The following EPB41L4A variants were observed in gnomAD, a reference collection of about 807,000 sequenced individuals.
EPB41L4A encodes erythrocyte membrane protein band 4.1 like 4A.
A neutral mutation model predicts 108.6 loss-of-function variants in EPB41L4A; 100 were observed. The ratio of observed to expected loss-of-function variants is 0.92; its 90% CI spans 0.78 to 1.09. The LOEUF (loss-of-function observed/expected upper bound fraction) is 1.09, where lower values mean the gene tolerates loss of function less well. Ranked by LOEUF, EPB41L4A falls within the 50% of genes least tolerant of loss-of-function variation. EPB41L4A has a pLI of 0.00. For missense variants in EPB41L4A, 1,030 were observed against 842.7 expected (o/e 1.22, Z -2.75); for synonymous variants, 319 against 289.0 (o/e 1.10, Z -1.05).
At chr5:112,197,681 T>G (rs1231435915) in intron 15 of EPB41L4A, among the ~76,000 whole-genome samples, 1 of 152,154 alleles carries the variant, frequency 6.6e-6, no homozygotes, top group Non-Finnish European at 1.5e-5. Context: ...CAAGTTCCAT[T>G]TATCCCTCCT....
At chr5:112,243,973 A>G (rs1750012765) in intron 9 of EPB41L4A, among the ~76,000 whole-genome samples, 12 of 152,070 alleles carry the variant, frequency 7.9e-5, no homozygotes, top group Admixed American at 7.9e-4. Flanking sequence ...TCCTTCAAGA[A>G]TTTTTTCTTT....
rs576282262 is a variant in EPB41L4A at position 112,305,339 on chromosome 5, TA to T, written c.204+2046del. 1.1e-4 allele frequency among the ~76,000 whole-genome samples: 17 copies of T among 152,272 alleles called. No individual in the cohort carries two copies. The South Asian group carries it at 3.5e-3, about 32-fold the overall frequency. On this transcript the variant is annotated intron_variant, in intron 2 of 22. Transcript: ENST00000261486. ...TGGAGAATGATGAGTTCCGGGGTTC[TA>T]GGTTCTCCTGGTCCTCCAGTGCAGA... is the stretch of plus-strand genomic sequence containing the variant.
chr5:112,218,930 T>G (rs1024130616), intron 12 of EPB41L4A, among the ~76,000 whole-genome samples: 2 of 152,184 alleles, frequency 1.3e-5, no homozygotes, highest in Non-Finnish European at 1.5e-5. Flanking sequence ...AAATATGACA[T>G]TAAAAACTAG....
chr5:112,296,661 A>G (rs547311230), intron 2 of EPB41L4A, among the ~76,000 whole-genome samples: 4 of 152,248 alleles, frequency 2.6e-5, no homozygotes, highest in South Asian at 2.1e-4. Flanking sequence ...AGTTACATGA[A>G]TAAGTTCTTT....
At chr5:112,288,037 C>T (rs1046491868) in intron 2 of EPB41L4A, among the ~76,000 whole-genome samples, 1 of 152,142 alleles carries the variant, frequency 6.6e-6, no homozygotes, top group East Asian at 1.9e-4. Context: ...AACAATGCTG[C>T]AATTAAGAAA....
rs1002106248 is a variant in EPB41L4A at position 112,404,698 on chromosome 5, T to C, written c.99+14243A>G. 9.9e-5 allele frequency among the ~76,000 whole-genome samples: 15 copies of C among 152,198 alleles called. No individual in the cohort carries two copies. In the South Asian group the frequency reaches 1.9e-3, roughly 19 times the overall value. On this transcript the variant is annotated intron_variant, in intron 1 of 22. Transcript: ENST00000261486. ...ATGAAAAGTATTTTCATCAAGCTGATTATTTCTCAAAGCATAACTCTAGAT... is the reference window on the plus strand; with the variant it reads ...ATGAAAAGTATTTTCATCAAGCTGACTATTTCTCAAAGCATAACTCTAGAT...
intron 17 of EPB41L4A, among the ~76,000 whole-genome samples, chr5:112,189,856 G>A (rs576907013): frequency 2.0e-5 from 3 of 152,260 alleles, no homozygotes; most frequent in African/African-American, 7.2e-5. Context: ...ATATTTTGTA[G>A]AACCTTTTCC....
intron 12 of EPB41L4A, among the ~76,000 whole-genome samples, chr5:112,146,593 T>TA (rs1454604227): frequency 2.0e-5 from 3 of 152,204 alleles, no homozygotes; most frequent in East Asian, 3.8e-4. Flanking sequence ...CATAAAAATA[T>TA]AAAAAATTTA....
chr5:112,188,741 C>T (rs1761544915), intron 17 of EPB41L4A, among the ~76,000 whole-genome samples: 1 of 152,158 alleles, frequency 6.6e-6, no homozygotes. Flanking sequence ...AGGGGCAGGA[C>T]AGTAGGCAGT....
chr5:112,196,197 C>T (rs770417392), intron 15 of EPB41L4A, among the ~76,000 whole-genome samples: 1 of 152,172 alleles, frequency 6.6e-6, no homozygotes, highest in African/African-American at 2.4e-5. Context: ...CTCCTGTTTA[C>T]CACTCGCCAT....
intron 18 of EPB41L4A, among the ~76,000 whole-genome samples, chr5:112,176,003 C>A (rs1454512631): frequency 1.3e-5 from 2 of 152,130 alleles, no homozygotes; most frequent in Admixed American, 6.5e-5. Flanking sequence ...TCTCTAAGGA[C>A]TTTTTGTGAG....
At chr5:112,318,580 C>T (rs766983556) in intron 1 of EPB41L4A, among the ~76,000 whole-genome samples, 1 of 152,178 alleles carries the variant, frequency 6.6e-6, no homozygotes, top group East Asian at 1.9e-4. Flanking sequence ...CTAATCAATA[C>T]CAACGAGTGT....
chr5:112,259,388 G>C, intron 8 of EPB41L4A, 96 bp from the exon 9 acceptor site: 1 of 961,538 alleles, frequency 1.0e-6, no homozygotes, highest in South Asian at 1.3e-5. Context: ...GGTGAATACT[G>C]GCTCCTTTAT....
chr5:112,368,593 C>A (rs971576022), intron 1 of EPB41L4A, among the ~76,000 whole-genome samples: 4 of 152,078 alleles, frequency 2.6e-5, no homozygotes, highest in African/African-American at 9.7e-5. Flanking sequence ...TTCCTTGAGC[C>A]CAGGCCCAAA....
At chr5:112,190,259 G>A (rs1761629038) in intron 17 of EPB41L4A, among the ~76,000 whole-genome samples, 1 of 152,050 alleles carries the variant, frequency 6.6e-6, no homozygotes, top group Non-Finnish European at 1.5e-5. Context: ...TCATTTCCCA[G>A]TAACAATGTA....
At chr5:112,231,702 G>A (rs1408320577) in intron 12 of EPB41L4A, among the ~76,000 whole-genome samples, 2 of 147,154 alleles carry the variant, frequency 1.4e-5, no homozygotes, top group Admixed American at 6.9e-5. Context: ...GGAGAATGGC[G>A]TGAACCCGGG....
intron 1 of EPB41L4A, among the ~76,000 whole-genome samples, chr5:112,361,460 T>C (rs896577438): frequency 2.0e-5 from 3 of 151,380 alleles, no homozygotes; most frequent in Non-Finnish European, 4.4e-5. Context: ...CCCTCCACTA[T>C]TGTCCTATGA....
chr5:112,354,539 G>A (rs149364300), intron 1 of EPB41L4A, among the ~76,000 whole-genome samples: 92 of 152,208 alleles, frequency 6.0e-4, no homozygotes, highest in African/African-American at 2.1e-3. Flanking sequence ...GGAAGGGTGT[G>A]GAGGAATCAT....
intron 1 of EPB41L4A, among the ~76,000 whole-genome samples, chr5:112,406,352 G>T (rs1482184564): frequency 6.6e-6 from 1 of 152,140 alleles, no homozygotes. Flanking sequence ...GAGATATGCA[G>T]CATGGAGCTT....
Sources: allele counts gnomAD v4.1 joint callset (sites outside exome capture counted in the v4.1 genomes callset), GRCh38; gene constraint gnomAD v4.1.1; transcripts MANE v1.5; gene names NCBI Gene and HGNC (gene_info 2026-07-23, HGNC 2026-07-21).